The following KCNG4 variants were observed in gnomAD, a reference collection of about 807,000 sequenced individuals.
KCNG4 encodes voltage-gated potassium channel regulatory subunit KCNG4.
A neutral mutation model predicts 28.2 loss-of-function variants in KCNG4; 30 were observed. The observed-to-expected ratio is 1.06, with a 90% CI of 0.80 to 1.44. The LOEUF is 1.44. Ranked by LOEUF, KCNG4 falls within the 40% of genes most tolerant of loss-of-function variation. KCNG4 has a pLI of 0.00. For missense variants in KCNG4, 879 were observed against 712.3 expected, an observed-to-expected ratio of 1.23 and a Z score of -2.66; for synonymous variants, 375 against 315.5, an observed-to-expected ratio of 1.19 and a Z score of -2.00.
Position 84,221,215 on chromosome 16 carries a change from G to A in KCNG4, c.*1002C>T, listed in dbSNP as rs557069618. The A allele has an allele frequency of 6.6e-6, 1 of 152,270 alleles. No individual in the cohort carries two copies. The highest frequency in any genetic ancestry group is 1.5e-5 in the Non-Finnish European group (1 of 68,084). 9.4% of individuals were successfully genotyped at this position (152,270 alleles called of 1,614,324 possible). ...CTCCAGCATGGAGATGACTAGTCTG[G>A]GAAGCCAGCAAGGGACAGCACCTAC... On this transcript the variant is annotated 3_prime_UTR_variant, in exon 3 of 3. Coordinates refer to ENST00000308251, the MANE Select transcript of KCNG4 (RefSeq NM_172347.3).
chr16:84,234,178 T>C (rs566046393), intron 2 of KCNG4, among the ~76,000 whole-genome samples: 1 of 152,264 alleles, frequency 6.6e-6, no homozygotes, highest in African/African-American at 2.4e-5. Flanking sequence ...CCTTCTCCAC[T>C]GTAATTTTTT....
chr16:84,238,966 G>A (rs2151341857), intron 1 of KCNG4, among the ~76,000 whole-genome samples: 1 of 152,286 alleles, frequency 6.6e-6, no homozygotes, highest in African/African-American at 2.4e-5. Context: ...TTTAGATTTA[G>A]CCACTTCACA....
rs776039046 is a variant in KCNG4, at chr16:84,237,219, C to G, written c.267G>C (p.Arg89Ser). 1 of 1,614,132 alleles carries G rather than the reference C, an allele frequency of 6.2e-7. No individual in the cohort carries two copies. Among genetic ancestry groups the G allele is most frequent in the Non-Finnish European group, 8.5e-7 (1 of 1,180,036 alleles). ...CGATCTCCTCGTAGCTCCGACAGAG[C>G]CTGAGTTTGCTCAGGCGGCTCAGCG... ...RFPLSRLSKL[R>S]LCRSYEEIVQ... The change falls in exon 2 of 3, where the codon AGG (arginine) becomes AGC (serine). Residue 89 changes from arginine to serine, a missense_variant. Arg to Ser is a moderately radical substitution (Grantham distance 110). Transcript: ENST00000308251.
intron 2 of KCNG4, among the ~76,000 whole-genome samples, chr16:84,228,258 C>T (rs1597617789): frequency 6.6e-6 from 1 of 152,214 alleles, no homozygotes; most frequent in Admixed American, 6.5e-5. Flanking sequence ...CTCTGTCCCT[C>T]CCAGCAAAAT....
intron 2 of KCNG4, among the ~76,000 whole-genome samples, chr16:84,224,411 C>CACACACACAT (rs1555536137): frequency 0.24 from 31,889 of 131,724 alleles, 3,616 homozygotes; most frequent in East Asian, 0.36. Context: ...TTTACACACA[C>CACACACACAT]ACACACACAC....
chr16:84,236,662 C>T, intron 2 of KCNG4, 68 bp downstream of exon 2: 5 of 1,469,160 alleles, frequency 3.4e-6, no homozygotes, highest in Non-Finnish European at 3.6e-6. Context: ...TTTCTTGGGC[C>T]CCTAAAAGAC....
intron 2 of KCNG4, chr16:84,236,515 C>T (rs1904952730): frequency 1.6e-6 from 1 of 640,998 alleles, no homozygotes; most frequent in Non-Finnish European, 2.6e-6. Flanking sequence ...GAGCCTTAGG[C>T]ACTTTTGCCT....
intron 2 of KCNG4, chr16:84,236,391 G>T (rs1258509601): frequency 2.3e-6 from 1 of 426,028 alleles, no homozygotes; most frequent in Non-Finnish European, 4.2e-6. Context: ...CAGAGAGGAG[G>T]TGGCGTGATT....
intron 2 of KCNG4, chr16:84,236,518 T>A: frequency 1.5e-6 from 1 of 665,804 alleles, no homozygotes; most frequent in Non-Finnish European, 2.4e-6. Flanking sequence ...CCTTAGGCAC[T>A]TTTGCCTTTG....
chr16:84,233,400 T>A (rs544812461), intron 2 of KCNG4, among the ~76,000 whole-genome samples: 43 of 152,236 alleles, frequency 2.8e-4, no homozygotes, highest in Admixed American at 2.7e-3. Flanking sequence ...AGAGGCGAAG[T>A]GGCCCAGAAT....
rs764325528 is a variant in KCNG4 at position 84,222,408 on chromosome 16, A to G, written c.1369T>C (p.Phe457Leu). The G allele has an allele frequency of 6.2e-7, 1 of 1,614,006 alleles. No individual in the cohort carries two copies. Among genetic ancestry groups the G allele is most frequent in the African/African-American group, 1.3e-5 (1 of 74,904 alleles). Residue 457 changes from phenylalanine (F) to leucine (L), a missense_variant, in exon 3 of 3, where the codon TTC (phenylalanine) becomes CTC (leucine). Physicochemically the swap from Phe to Leu is conservative, Grantham distance 22. Coordinates refer to ENST00000308251, the MANE Select transcript of KCNG4 (RefSeq NM_172347.3). ...AFPATSIFHT[F>L]SHSYLELKKE... ...TTGAGCTCCAGGTAGGAGTGGGAGA[A>G]GGTGTGGAAGATAGACGTGGCCGGG...
chr16:84,222,231 T>G lies in KCNG4; in HGVS notation c.1546A>C (p.Ile516Leu), dbSNP rs774852782. 6.2e-7 allele frequency: 1 copy of G among 1,614,050 alleles called. No homozygotes were observed. Among genetic ancestry groups the G allele is most frequent in the East Asian group, 2.2e-5 (1 of 44,874 alleles). ...DLILEGPALPIMHM is the reference protein window; with the variant it reads ...DLILEGPALPLMHM ...GGGGTGCTGAGTTACATGTGCATGA[T>G]AGGCAAGGCTGGGCCCTCCAGGATT... Residue 516 changes from isoleucine to leucine, a missense_variant, in exon 3 of 3, where the codon ATC (isoleucine) becomes CTC (leucine). By Grantham distance (5) the Ile-to-Leu change is conservative. Coordinates refer to ENST00000308251, the MANE Select transcript of KCNG4 (RefSeq NM_172347.3).
At chr16:84,232,313 A>C (rs528872167) in intron 2 of KCNG4, among the ~76,000 whole-genome samples, 48 of 152,348 alleles carry the variant, frequency 3.2e-4, no homozygotes, top group African/African-American at 1.1e-3. Flanking sequence ...ATGCTGGAGC[A>C]GGAAGCCAGT....
rs375933955 is a variant in KCNG4 at position 84,238,099 on chromosome 16, G to A, written c.-40-574C>T. Among the ~76,000 whole-genome samples, 3 of 152,210 alleles carry A rather than the reference G, an allele frequency of 2.0e-5. No homozygotes were observed. In the East Asian group the frequency reaches 5.8e-4, roughly 29 times the overall value. ...TGCCCACATCGTAGGGCATGGCAAG[G>A]GTTATATGCAGTAATATACAAGAAA... On this transcript the variant is annotated intron_variant, in intron 1 of 2. Transcript: ENST00000308251.
intron 2 of KCNG4, among the ~76,000 whole-genome samples, chr16:84,225,684 G>A (rs1567624380): frequency 6.6e-6 from 1 of 152,374 alleles, no homozygotes; most frequent in East Asian, 1.9e-4. Flanking sequence ...GGTGACTCCT[G>A]AGAGGCCGAG....
chr16:84,237,259 G>T lies in KCNG4; in HGVS notation c.227C>A (p.Thr76Lys), dbSNP rs1290478058. The T allele has an allele frequency of 6.2e-7, 1 of 1,613,534 alleles. No individual in the cohort carries two copies. The highest frequency in any genetic ancestry group is 1.3e-5 in the African/African-American group (1 of 75,032). The stretch of plus-strand genomic sequence containing the variant: ...GCGGCTCAGCGGGAACCGGTCCAGT[G>T]TGCTCCAGGGGAGGAGATACCTCCT... ...GGRRYLLPWS[T>K]LDRFPLSRLS... Residue 76 changes from threonine (T) to lysine (K), a missense_variant, in exon 2 of 3, where the codon ACA (threonine) becomes AAA (lysine). Thr to Lys is a moderately conservative substitution (Grantham distance 78, BLOSUM62 -1). Coordinates refer to ENST00000308251, the MANE Select transcript of KCNG4 (RefSeq NM_172347.3).
At chr16:84,236,448 T>G (rs573031528) in intron 2 of KCNG4, 1 of 481,318 alleles carries the variant, frequency 2.1e-6, no homozygotes, top group Non-Finnish European at 3.6e-6. Context: ...TGACACTGTG[T>G]CTGTGTGGCC....
At position 84,222,348 on chromosome 16, in the gene KCNG4, G is replaced by A. The variant is rs764235557; in HGVS notation, c.1429C>T (p.His477Tyr). The part of the protein sequence containing the change: ...EQEQLQARLR[H>Y]LQNTGPASEC... ...CTGGCTGGACCGGTGTTTTGGAGGT[G>A]GCGGAGGCGGGCCTGAAGCTGCTCC... is the stretch of plus-strand genomic sequence containing the variant. The change falls in exon 3 of 3, where the codon CAC (histidine) becomes TAC (tyrosine). Residue 477 changes from histidine to tyrosine, a missense_variant. Physicochemically the swap from His to Tyr is moderately conservative, Grantham distance 83. Coordinates refer to ENST00000308251, the MANE Select transcript of KCNG4 (RefSeq NM_172347.3). 6 of 1,614,022 alleles carry A rather than the reference G, an allele frequency of 3.7e-6. No homozygotes were observed. The South Asian group carries it at 6.6e-5, about 18-fold the overall frequency.
At position 84,221,662 on chromosome 16, in the gene KCNG4, G is replaced by C. The variant is rs1377459741; in HGVS notation, c.*555C>G. On this transcript the variant is annotated 3_prime_UTR_variant, in exon 3 of 3. Coordinates refer to ENST00000308251, the MANE Select transcript of KCNG4 (RefSeq NM_172347.3). ...AAGTGTTCAGAGCTGGCGGGAGGTA[G>C]CAGCATTAGGGAAATATCACTGGTG... 6.5e-6 allele frequency: 1 copy of C among 153,474 alleles called. No homozygotes were observed. The highest frequency in any genetic ancestry group is 2.4e-5 in the African/African-American group (1 of 41,474). The allele number at this position is 153,474 out of a possible 1,614,324, so 9.5% of individuals were successfully genotyped here.
Sources: gnomAD v4.1 joint callset for allele counts (sites outside exome capture counted in the v4.1 genomes callset) on GRCh38, gnomAD v4.1.1 for gene constraint, MANE v1.5 for transcripts, NCBI Gene and HGNC (gene_info 2026-07-23, HGNC 2026-07-21) for gene names.